Variants in NRXN3 observed in about 807,000 individuals in gnomAD.
NRXN3 encodes neurexin III.
In NRXN3, 32 loss-of-function variants were observed where a neutral mutation model predicts 137.6. The ratio of observed to expected loss-of-function variants is 0.23; its 90% CI spans 0.18 to 0.31. The LOEUF (loss-of-function observed/expected upper bound fraction) is 0.31. Ranked by LOEUF, NRXN3 falls within the 10% of genes least tolerant of loss-of-function variation. The probability of loss-of-function intolerance (pLI) is 1.00; values close to 1 mark genes in which losing one functional copy is unlikely to be tolerated. For missense variants in NRXN3, 1,574 were observed against 2,062.5 expected (o/e 0.76, Z 4.59); for synonymous variants, 798 against 784.5 (o/e 1.02, Z -0.29).
At chr14:78,819,513 A>G (rs562043081) in intron 10 of NRXN3, among the ~76,000 whole-genome samples, 16 of 152,290 alleles carry the variant, frequency 1.1e-4, no homozygotes, top group Admixed American at 9.8e-4. Flanking sequence ...ACCATTTTAT[A>G]TAAGGAACTT....
chr14:78,444,786 G>A (rs557574009), intron 4 of NRXN3, among the ~76,000 whole-genome samples: 2 of 151,990 alleles, frequency 1.3e-5, no homozygotes, highest in South Asian at 4.2e-4. Flanking sequence ...GGGCCTCATG[G>A]TGGATACCTG....
chr14:78,275,878 C>T (rs1296140212), intron 2 of NRXN3, among the ~76,000 whole-genome samples: 1 of 152,190 alleles, frequency 6.6e-6, no homozygotes, highest in Non-Finnish European at 1.5e-5. Flanking sequence ...CAGATAGACA[C>T]TGCTAAGGTT....
chr14:78,384,418 T>A (rs1354236432), intron 4 of NRXN3, among the ~76,000 whole-genome samples: 1 of 152,156 alleles, frequency 6.6e-6, no homozygotes, highest in Non-Finnish European at 1.5e-5. Flanking sequence ...AAGCTCTGCA[T>A]TAATTAGCTG....
intron 16 of NRXN3, among the ~76,000 whole-genome samples, chr14:79,506,654 G>A (rs956787403): frequency 4.6e-5 from 7 of 152,098 alleles, no homozygotes; most frequent in African/African-American, 1.2e-4. Context: ...AACTTAGGCA[G>A]CATTGAATTT....
chr14:79,155,707 A>G (rs2060201156), intron 15 of NRXN3, among the ~76,000 whole-genome samples: 1 of 151,876 alleles, frequency 6.6e-6, no homozygotes, highest in Non-Finnish European at 1.5e-5. Flanking sequence ...TTTAAAAAAA[A>G]TAAAGGAGAT....
intron 15 of NRXN3, among the ~76,000 whole-genome samples, chr14:79,166,304 G>A (rs960978172): frequency 6.6e-6 from 1 of 151,598 alleles, no homozygotes; most frequent in Admixed American, 6.6e-5. Context: ...TCAGTTTGAG[G>A]GTCAAACCTA....
At chr14:78,852,483 A>G (rs764936287) in intron 10 of NRXN3, among the ~76,000 whole-genome samples, 1 of 152,160 alleles carries the variant, frequency 6.6e-6, no homozygotes, top group Non-Finnish European at 1.5e-5. Flanking sequence ...GTGTTTTGTT[A>G]TTATCACCGT....
At chr14:78,303,304 C>G (rs979442600) in intron 4 of NRXN3, among the ~76,000 whole-genome samples, 1 of 152,106 alleles carries the variant, frequency 6.6e-6, no homozygotes, top group Non-Finnish European at 1.5e-5. Flanking sequence ...ATGTACCTCT[C>G]TAACAATTTA....
intron 19 of NRXN3, among the ~76,000 whole-genome samples, chr14:79,738,441 G>A (rs185236168): frequency 6.6e-6 from 1 of 152,010 alleles, no homozygotes; most frequent in Admixed American, 6.6e-5. Context: ...TCAAGAAACA[G>A]ATTCTCTTTT....
Position 79,554,594 on chromosome 14 carries a change from G to C in NRXN3, c.3444+87192G>C, listed in dbSNP as rs1412229628. Among the ~76,000 whole-genome samples the C allele has an allele frequency of 7.2e-5, 11 of 152,116 alleles. No individual in the cohort carries two copies. In the East Asian group the frequency reaches 1.9e-3, roughly 27 times the overall value. ...ATTAGCGTACTACTTGGGTAGGTGG[G>C]AGGATGCAAGAGCTGTCAAACAGCA... On this transcript the variant is annotated intron_variant, in intron 16 of 20. Transcript: ENST00000335750.
At chr14:78,206,193 A>G (rs1479901629) in intron 1 of NRXN3, among the ~76,000 whole-genome samples, 1 of 152,190 alleles carries the variant, frequency 6.6e-6, no homozygotes, top group Non-Finnish European at 1.5e-5. Flanking sequence ...TTCCTCTGAC[A>G]CCATGGAGGA....
chr14:78,697,358 ATAATTT>A (rs2098237295), intron 6 of NRXN3, among the ~76,000 whole-genome samples: 1 of 152,034 alleles, frequency 6.6e-6, no homozygotes, highest in South Asian at 2.1e-4. Context: ...TTCTCTGCCT[ATAATTT>A]TATATGTTAT....
At chr14:79,485,134 G>C (rs2153645573) in intron 16 of NRXN3, among the ~76,000 whole-genome samples, 1 of 151,864 alleles carries the variant, frequency 6.6e-6, no homozygotes, top group Non-Finnish European at 1.5e-5. Context: ...ATGAATCTCT[G>C]ATTACTTAGC....
At chr14:79,444,849 CATTA>C (rs1170531800) in intron 15 of NRXN3, among the ~76,000 whole-genome samples, 1 of 151,988 alleles carries the variant, frequency 6.6e-6, no homozygotes, top group Admixed American at 6.6e-5. Context: ...TTAAAAATAA[CATTA>C]ATTAATTAAA....
At chr14:79,212,158 C>T (rs1349599620) in intron 15 of NRXN3, among the ~76,000 whole-genome samples, 1 of 152,164 alleles carries the variant, frequency 6.6e-6, no homozygotes, top group Non-Finnish European at 1.5e-5. Flanking sequence ...GCCAGGAAAA[C>T]AGACAGAGCC....
chr14:79,445,271 C>T (rs1251994816), intron 15 of NRXN3, among the ~76,000 whole-genome samples: 7 of 150,468 alleles, frequency 4.7e-5, no homozygotes, highest in Admixed American at 2.7e-4. Context: ...ACCCGGGAGT[C>T]AGAGGTTGCA....
chr14:78,507,426 G>A (rs1298432047), intron 4 of NRXN3, among the ~76,000 whole-genome samples: 1 of 152,150 alleles, frequency 6.6e-6, no homozygotes, highest in African/African-American at 2.4e-5. Context: ...TACTACAGAT[G>A]GTCACTGCCC....
intron 4 of NRXN3, among the ~76,000 whole-genome samples, chr14:78,427,915 G>A (rs949803228): frequency 1.2e-4 from 18 of 152,184 alleles, no homozygotes; most frequent in African/African-American, 4.3e-4. Context: ...GTCCTTTGGG[G>A]GATGTTACCA....
intron 1 of NRXN3, among the ~76,000 whole-genome samples, chr14:78,228,363 G>A (rs1222530966): frequency 6.6e-6 from 1 of 152,016 alleles, no homozygotes; most frequent in East Asian, 1.9e-4. Context: ...CACCATGTTA[G>A]CAGGGGGATC....
Sources: allele counts gnomAD v4.1 joint callset (sites outside exome capture counted in the v4.1 genomes callset), GRCh38; gene constraint gnomAD v4.1.1; transcripts MANE v1.5; gene names NCBI Gene and HGNC (gene_info 2026-07-23, HGNC 2026-07-21).